GRIN2C: variants seen among roughly 807,000 people sequenced by gnomAD.
The protein encoded by GRIN2C is glutamate ionotropic receptor NMDA type subunit 2C, also known as glutamate receptor ionotropic, NMDA 2C.
In GRIN2C, 64 loss-of-function variants were observed where a neutral mutation model predicts 77.7. The ratio of observed to expected loss-of-function variants is 0.82; its 90% CI spans 0.67 to 1.01. The LOEUF is 1.01. Among genes scored for constraint, GRIN2C ranks in the 50% least tolerant of loss-of-function variants. The pLI is 0.00. For synonymous variants in GRIN2C, 792 were observed against 643.4 expected, an observed-to-expected ratio of 1.23 and a Z score of -3.49; for missense variants, 1,549 against 1,486.0, an observed-to-expected ratio of 1.04 and a Z score of -0.70.
chr17:74,855,224 A>G, intron 1 of GRIN2C, 117 bp from the exon 2 acceptor site: 2 of 753,224 alleles, frequency 2.7e-6, no homozygotes, highest in Non-Finnish European at 4.1e-6. Flanking sequence ...AGAGGGGAAA[A>G]CCTCCCTCCC....
chr17:74,860,511 T>A (rs547705688), upstream of GRIN2C: 6 of 456,468 alleles, frequency 1.3e-5, no homozygotes, highest in Admixed American at 9.4e-5. Flanking sequence ...GTGCCTTTGC[T>A]CCGCGTGTCC....
chr17:74,860,167 C>T (rs2037920190), upstream of GRIN2C, among the ~76,000 whole-genome samples: 1 of 152,178 alleles, frequency 6.6e-6, no homozygotes. Flanking sequence ...CTGCCCCTGG[C>T]ACGCTCTTAT....
intron 7 of GRIN2C, among the ~76,000 whole-genome samples, chr17:74,848,353 A>G (rs56407541): frequency 0.28 from 43,255 of 151,996 alleles, 6,409 homozygotes; most frequent in East Asian, 0.43. Flanking sequence ...GGAAACCCAC[A>G]CCCAGGGAAC....
At position 74,851,569 on chromosome 17, in the gene GRIN2C, C is replaced by G; in HGVS notation, c.1113+8G>C. ...CACTGAGGGCCCCTGGGCTCACCCC[C>G]TTCTCACCATCTCCCAGAGGCGGTG... is the stretch of plus-strand genomic sequence containing the variant. On this transcript the variant is annotated splice_region_variant and intron_variant, in intron 4 of 12. Coordinates refer to ENST00000293190, the MANE Select transcript of GRIN2C (RefSeq NM_000835.6). 1.3e-6 allele frequency: 2 copies of G among 1,529,160 alleles called. No individual in the cohort carries two copies. The highest frequency in any genetic ancestry group is 1.8e-6 in the Non-Finnish European group (2 of 1,125,510). 94.7% of individuals were successfully genotyped at this position (1,529,160 alleles called of 1,614,324 possible). A position where few individuals can be genotyped will look rare whatever the true frequency, so the allele number is the denominator to read the frequency against.
At chr17:74,853,417 G>A (rs2037723258) in intron 2 of GRIN2C, 1 of 152,234 alleles carries the variant, frequency 6.6e-6, no homozygotes, top group Admixed American at 6.5e-5. Context: ...GTGTGGACCC[G>A]ATTTGGCTCT....
upstream of GRIN2C, chr17:74,860,485 G>T: frequency 4.4e-6 from 2 of 456,668 alleles, no homozygotes; most frequent in Non-Finnish European, 4.4e-6. Flanking sequence ...ACGCACCTGG[G>T]GGTTCAGGTT....
chr17:74,861,318 C>T (rs183331039), upstream of GRIN2C: 1 of 152,210 alleles, frequency 6.6e-6, no homozygotes, highest in Non-Finnish European at 1.5e-5. Flanking sequence ...GTGGGTCCAA[C>T]CCCCCGGGTG....
At chr17:74,858,528 AACCCAGCCACCCT>A (rs2037876472) in intron 1 of GRIN2C, among the ~76,000 whole-genome samples, 1 of 151,896 alleles carries the variant, frequency 6.6e-6, no homozygotes, top group African/African-American at 2.4e-5. Flanking sequence ...CACCCCGTCT[AACCCAGCCACCCT>A]ACAGAGGTAG....
Position 74,843,307 on chromosome 17 carries a change from G to T in GRIN2C, c.2830C>A (p.Pro944Thr). Reference sequence around the variant, plus strand: ...GGCGGGTCGGGGGTGGGCAGGCATGGGCTGGGGCCAGACCGCGGGGTCGGG... The same window carrying T: ...GGCGGGTCGGGGGTGGGCAGGCATGTGCTGGGGCCAGACCGCGGGGTCGGG... Reference protein sequence around the residue: ...PCPTPRSGPSPCLPTPDPPPE... With the variant: ...PCPTPRSGPSTCLPTPDPPPE... Residue 944 changes from proline to threonine, a missense_variant, in exon 13 of 13, where the codon CCA becomes ACA. Pro to Thr is a conservative substitution (Grantham distance 38). Transcript: ENST00000293190. 7.3e-7 allele frequency: 1 copy of T among 1,375,532 alleles called. No homozygotes were observed. Among genetic ancestry groups the T allele is most frequent in the Non-Finnish European group, 9.8e-7 (1 of 1,021,426 alleles). 85.2% of individuals were successfully genotyped at this position (1,375,532 alleles called of 1,614,324 possible).
At chr17:74,851,371 T>G in intron 4 of GRIN2C, 1 of 548,146 alleles carries the variant, frequency 1.8e-6, no homozygotes. Flanking sequence ...GAAGCCGGGG[T>G]GTTATGGGAG....
chr17:74,842,548 C>G lies in GRIN2C; in HGVS notation c.3589G>C (p.Gly1197Arg), dbSNP rs527543414. 2 of 778,108 alleles carry G rather than the reference C, an allele frequency of 2.6e-6. No homozygotes were observed. Among genetic ancestry groups the G allele is most frequent in the Non-Finnish European group, 4.8e-6 (2 of 417,508 alleles). The allele number at this position is 778,108 out of a possible 1,614,324, so 48.2% of individuals were successfully genotyped here. A position where few individuals can be genotyped will look rare whatever the true frequency, so the allele number is the denominator to read the frequency against. The change falls in exon 13 of 13, where the codon GGC (glycine) becomes CGC (arginine). Residue 1197 changes from glycine (G) to arginine (R), a missense_variant. This residue lies in a region of GRIN2C where 450 missense variants were observed against 267.9 expected (regional missense o/e 1.68). Transcript: ENST00000293190. ...HRGRTLGLGT[G>R]YRDSGGLDEI... Reference sequence around the variant, plus strand: ...TCCAGTCCCCCACTGTCTCTGTAGCCTGTGCCCAGCCCCAGAGTCCTGCCC... The same window carrying G: ...TCCAGTCCCCCACTGTCTCTGTAGCGTGTGCCCAGCCCCAGAGTCCTGCCC...
In GRIN2C at chr17:74,842,792, C is replaced by A; in HGVS notation, c.3345G>T (p.Arg1115Ser). 1 of 636,534 alleles carries A rather than the reference C, an allele frequency of 1.6e-6. No homozygotes were observed. The allele number at this position is 636,534 out of a possible 1,614,324, so 39.4% of individuals were successfully genotyped here. ...CARPDGHSAC[R>S]RLAQAQSMCL... ...ACATCGACTGCGCCTGCGCCAAGCG[C>A]CTGCAGGCCGAGTGGCCGTCGGGGC... The change falls in exon 13 of 13, where the codon AGG becomes AGT. Residue 1115 changes from arginine to serine, a missense_variant. Around this residue, in one of 3 missense-constraint regions of GRIN2C, gnomAD observed 450 missense variants for 267.9 expected, o/e 1.68. Coordinates refer to ENST00000293190, the MANE Select transcript of GRIN2C (RefSeq NM_000835.6).
Position 74,847,879 on chromosome 17 carries a change from A to G in GRIN2C, c.1744T>C (p.Tyr582His), listed in dbSNP as rs745672170. The G allele has an allele frequency of 8.1e-6, 13 of 1,613,884 alleles. No homozygotes were observed. The African/African-American group carries it at 1.7e-4, about 22-fold the overall frequency. The change falls in exon 8 of 13, where the codon TAC (tyrosine) becomes CAC (histidine). Residue 582 changes from tyrosine to histidine, a missense_variant. Tyr to His is a moderately conservative substitution (Grantham distance 83). This residue lies in a region of GRIN2C where 717 missense variants were observed against 858.1 expected (regional missense o/e 0.84). Coordinates refer to ENST00000293190, the MANE Select transcript of GRIN2C (RefSeq NM_000835.6). The surrounding 1 kb of genome is among the most constrained non-coding windows in gnomAD (Gnocchi z 5.2). ...TTGCCTCTGGTGAGGTTCTGGTTGTAGCTGACAGGGCTGAAGTACTCGAAC... is the reference window on the plus strand; with the variant it reads ...TTGCCTCTGGTGAGGTTCTGGTTGTGGCTGACAGGGCTGAAGTACTCGAAC... ...FMFEYFSPVS[Y>H]NQNLTRGKKS...
In GRIN2C at chr17:74,852,631, G is replaced by A. The variant is rs2144602962; in HGVS notation, c.400-20C>T. ...CGGCTCCTGGGGGCGGGCGGGGCCT[G>A]AGCGGGGCGGGAGGGCCGAGCCCCT... On this transcript the variant is annotated intron_variant, in intron 2 of 12. Coordinates refer to ENST00000293190, the MANE Select transcript of GRIN2C (RefSeq NM_000835.6). The A allele has an allele frequency of 9.3e-7, 1 of 1,073,414 alleles. No homozygotes were observed. 66.5% of individuals were successfully genotyped at this position (1,073,414 alleles called of 1,614,324 possible).
At chr17:74,854,008 G>A (rs2144609684) in intron 2 of GRIN2C, 1 of 152,574 alleles carries the variant, frequency 6.6e-6, no homozygotes, top group South Asian at 2.1e-4. Flanking sequence ...TTCCTCCAAA[G>A]CTCTGAGCTC....
intron 12 of GRIN2C, 84 bp from the exon 13 acceptor site, chr17:74,843,637 A>G: frequency 6.7e-7 from 1 of 1,484,426 alleles, no homozygotes; most frequent in Non-Finnish European, 9.0e-7. Context: ...GTCCCAAGGC[A>G]TCATCAGTCT....
At position 74,852,204 on chromosome 17, in the gene GRIN2C, G is replaced by T; in HGVS notation, c.807C>A (p.Phe269Leu). The stretch of plus-strand genomic sequence containing the variant: ...TGACGACGCTGATGAGGCCCACGGG[G>T]AAGGTGGCGGGGGGCGCATCGGTGC... ...LGSTDAPPAT[F>L]PVGLISVVTE... The change falls in exon 3 of 13, where the codon TTC (phenylalanine) becomes TTA (leucine). Residue 269 changes from phenylalanine to leucine, a missense_variant. By Grantham distance (22) the Phe-to-Leu change is conservative. Around this residue, in one of 3 missense-constraint regions of GRIN2C, gnomAD observed 717 missense variants for 858.1 expected, o/e 0.84. Transcript: ENST00000293190. 1 of 1,452,402 alleles carries T rather than the reference G, an allele frequency of 6.9e-7. No homozygotes were observed. The highest frequency in any genetic ancestry group is 9.0e-7 in the Non-Finnish European group (1 of 1,104,992). 90.0% of individuals were successfully genotyped at this position (1,452,402 alleles called of 1,614,324 possible). A position where few individuals can be genotyped will look rare whatever the true frequency, so the allele number is the denominator to read the frequency against.
At position 74,852,238 on chromosome 17, in the gene GRIN2C, G is replaced by T; in HGVS notation, c.773C>A (p.Ala258Glu). Residue 258 changes from alanine to glutamate, a missense_variant, in exon 3 of 13, where the codon GCG becomes GAG. By Grantham distance (107) the Ala-to-Glu change is moderately radical. Coordinates refer to ENST00000293190, the MANE Select transcript of GRIN2C (RefSeq NM_000835.6). ...GGGGGGCGCATCGGTGCTGCCCAGC[G>T]CCAGGTTGGGCACCAGCCACACGTG... ...PGHVWLVPNLALGSTDAPPAT... is the reference protein window; with the variant it reads ...PGHVWLVPNLELGSTDAPPAT... 1 of 1,407,184 alleles carries T rather than the reference G, an allele frequency of 7.1e-7. No individual in the cohort carries two copies. Among genetic ancestry groups the T allele is most frequent in the South Asian group, 1.5e-5 (1 of 66,922 alleles). The allele number at this position is 1,407,184 out of a possible 1,614,324, so 87.2% of individuals were successfully genotyped here. A position where few individuals can be genotyped will look rare whatever the true frequency, so the allele number is the denominator to read the frequency against.
At chr17:74,855,525 G>C (rs1459472127) in intron 1 of GRIN2C, among the ~76,000 whole-genome samples, 1 of 152,222 alleles carries the variant, frequency 6.6e-6, no homozygotes, top group Non-Finnish European at 1.5e-5. Context: ...TGTGATCTTA[G>C]GGAAGTCACT....
Sources: gnomAD v4.1 joint callset for allele counts (sites outside exome capture counted in the v4.1 genomes callset) on GRCh38, gnomAD v4.1.1 for gene constraint, gnomAD v4.1.1 regional missense constraint, Gnocchi (gnomAD v3.1) non-coding constraint, MANE v1.5 for transcripts, NCBI Gene and HGNC (gene_info 2026-07-23, HGNC 2026-07-21) for gene names.